Variants in FKBP5 observed in about 807,000 individuals in gnomAD.
FKBP5 encodes the protein FKBP prolyl isomerase 5.
In FKBP5, 23 loss-of-function variants were observed where a neutral mutation model predicts 50.5. The ratio of observed to expected loss-of-function variants is 0.46; its 90% CI spans 0.33 to 0.65. FKBP5 has a LOEUF of 0.65. Among genes scored for constraint, FKBP5 ranks in the 30% least tolerant of loss-of-function variants. The probability of loss-of-function intolerance (pLI) is 0.02; values close to 1 mark genes in which losing one functional copy is unlikely to be tolerated. For synonymous variants in FKBP5, 176 were observed against 190.6 expected (o/e 0.92, Z 0.63); for missense variants, 411 against 553.1 (o/e 0.74, Z 2.58).
chr6:35,697,228 A>G (rs80179277), intron 2 of FKBP5, among the ~76,000 whole-genome samples: 5,952 of 152,304 alleles, frequency 0.039, 129 homozygotes, highest in African/African-American at 0.067. Context: ...TGAACACACA[A>G]TGGAACACTA....
intron 1 of FKBP5, among the ~76,000 whole-genome samples, chr6:35,657,729 T>C (rs1764993790): frequency 6.6e-6 from 1 of 152,144 alleles, no homozygotes; most frequent in Admixed American, 6.6e-5. Flanking sequence ...TCCTAAGAAT[T>C]TCTCTCAAGC....
intron 9 of FKBP5, among the ~76,000 whole-genome samples, chr6:35,579,242 G>A (rs1373989141): frequency 1.3e-5 from 2 of 152,158 alleles, no homozygotes; most frequent in African/African-American, 4.8e-5. Flanking sequence ...TCTTGGGAGA[G>A]AGGATGCGAT....
intron 1 of FKBP5, among the ~76,000 whole-genome samples, chr6:35,675,609 A>T (rs553965878): frequency 6.6e-6 from 1 of 152,144 alleles, no homozygotes; most frequent in Non-Finnish European, 1.5e-5. Flanking sequence ...TCCCCAGCCT[A>T]CCACAAAACA....
In FKBP5 at chr6:35,620,521, G is replaced by A. The variant is rs138381762; in HGVS notation, c.251-247C>T. Among the ~76,000 whole-genome samples the A allele has an allele frequency of 3.7e-3, 547 of 149,746 alleles. 3 individuals carry two copies. Among genetic ancestry groups the A allele is most frequent in the South Asian group, 0.013 (63 of 4,714 alleles). On this transcript the variant is annotated intron_variant, in intron 3 of 10. Coordinates refer to ENST00000357266, the MANE Select transcript of FKBP5 (RefSeq NM_004117.4). The stretch of plus-strand genomic sequence containing the variant: ...AGGTGGGAGGACTGCTTGAGTCCAG[G>A]AATTTGACACCAGCCTGGGCAACAC...
chr6:35,661,915 A>T lies in FKBP5; in HGVS notation c.-19-19072T>A, dbSNP rs545989075. Reference sequence around the variant, plus strand: ...GTTTCCCTATCTAAAACACAAGGTTATCAGTTATCAACATCTCTTGGGATT... The same window carrying T: ...GTTTCCCTATCTAAAACACAAGGTTTTCAGTTATCAACATCTCTTGGGATT... On this transcript the variant is annotated intron_variant, in intron 1 of 10. Transcript: ENST00000357266. Among the ~76,000 whole-genome samples the T allele has an allele frequency of 1.4e-5, 2 of 143,222 alleles. 1 individual carries two copies. Among genetic ancestry groups the T allele is most frequent in the African/African-American group, 5.1e-5 (2 of 39,308 alleles). The allele number at this position is 143,222 out of a possible 152,430, so 94.0% of individuals were successfully genotyped here. A position where few individuals can be genotyped will look rare whatever the true frequency, so the allele number is the denominator to read the frequency against.
chr6:35,717,388 A>G (rs1234044682), intron 2 of FKBP5, among the ~76,000 whole-genome samples: 1 of 152,104 alleles, frequency 6.6e-6, no homozygotes, highest in Non-Finnish European at 1.5e-5. Context: ...GTGCCCATGT[A>G]TTCATGTATG....
chr6:35,598,987 A>T (rs186240783), intron 5 of FKBP5, among the ~76,000 whole-genome samples: 1,858 of 152,178 alleles, frequency 0.012, 33 homozygotes, highest in African/African-American at 0.039. Flanking sequence ...AATAAATAAA[A>T]AAATAAATAA....
In FKBP5 at chr6:35,667,019, C is replaced by CTGTG. The variant is rs35407744; in HGVS notation, c.-20+21781_-20+21784dup. ...ATTTTCACTTGTTTTGTGTGTGTGT[C>CTGTG]TGTGTGTGTGTGTGTGTGTGTGTGT... On this transcript the variant is annotated intron_variant, in intron 1 of 10. Coordinates refer to ENST00000357266, the MANE Select transcript of FKBP5 (RefSeq NM_004117.4). 7.0e-3 allele frequency among the ~76,000 whole-genome samples: 1,039 copies of CTGTG among 148,892 alleles called. 4 individuals are homozygous for CTGTG. Among genetic ancestry groups the CTGTG allele is most frequent in the African/African-American group, 8.6e-3 (347 of 40,526 alleles).
intron 2 of FKBP5, among the ~76,000 whole-genome samples, chr6:35,713,986 C>A (rs967327215): frequency 6.6e-6 from 1 of 152,052 alleles, no homozygotes; most frequent in Non-Finnish European, 1.5e-5. Flanking sequence ...CTGTCCCCAG[C>A]CCATCCACTG....
intron 1 of FKBP5, among the ~76,000 whole-genome samples, chr6:35,654,070 C>T (rs987858755): frequency 6.6e-6 from 1 of 152,104 alleles, no homozygotes; most frequent in Non-Finnish European, 1.5e-5. Context: ...CTCATGTATA[C>T]ATGTATGTGC....
intron 1 of FKBP5, among the ~76,000 whole-genome samples, chr6:35,643,833 G>A (rs763503151): frequency 4.3e-4 from 66 of 152,132 alleles, no homozygotes; most frequent in Non-Finnish European, 8.1e-4. Context: ...ATAAGACTAT[G>A]CGCCTGTTAG....
At chr6:35,581,741 G>A in intron 8 of FKBP5, 2 of 985,466 alleles carry the variant, frequency 2.0e-6, no homozygotes, top group Non-Finnish European at 2.4e-6. Flanking sequence ...CCTTTGAGGA[G>A]GTGATAAGCT....
In FKBP5 at chr6:35,580,209, T is replaced by G. The variant is rs747990395; in HGVS notation, c.853A>C (p.Met285Leu). 5 of 1,611,820 alleles carry G rather than the reference T, an allele frequency of 3.1e-6. No individual in the cohort carries two copies. The highest frequency in any genetic ancestry group is 4.2e-6 in the Non-Finnish European group (5 of 1,178,648). ...GTVYFKGGKYMQAVIQYGKIV... is the reference protein window; with the variant it reads ...GTVYFKGGKYLQAVIQYGKIV... ...TTCCCATACTGAATCACCGCCTGCA[T>G]GTATTTGCCTCCCTAGGATAAAAAA... Residue 285 changes from methionine (M) to leucine (L), a missense_variant, in exon 9 of 11, where the codon ATG (methionine) becomes CTG (leucine). Met to Leu is a conservative substitution (Grantham distance 15, BLOSUM62 2). Around this residue, in one of 3 missense-constraint regions of FKBP5, gnomAD observed 267 missense variants for 405.9 expected, o/e 0.66. Coordinates refer to ENST00000357266, the MANE Select transcript of FKBP5 (RefSeq NM_004117.4).
intron 1 of FKBP5, 61 bp from the exon 2 acceptor site, chr6:35,642,904 T>C (rs2143404): frequency 0.85 from 1,020,338 of 1,195,682 alleles, 437,250 homozygotes; most frequent in African/African-American, 0.97. Flanking sequence ...ATCTTGAATG[T>C]CCCTGGGAAC....
At chr6:35,633,545 A>G (rs77633197) in intron 3 of FKBP5, among the ~76,000 whole-genome samples, 1 of 148,236 alleles carries the variant, frequency 6.7e-6, no homozygotes, top group African/African-American at 2.4e-5. Context: ...TCCATCTCAA[A>G]AAAAAAAAAA....
chr6:35,693,321 C>T (rs1476010779), upstream of FKBP5, among the ~76,000 whole-genome samples: 2 of 151,486 alleles, frequency 1.3e-5, no homozygotes, highest in Non-Finnish European at 2.9e-5. Context: ...CGCCACCACG[C>T]CCAGCTAATT....
chr6:35,670,559 C>G (rs1330764390), intron 1 of FKBP5, among the ~76,000 whole-genome samples: 1 of 151,562 alleles, frequency 6.6e-6, no homozygotes, highest in African/African-American at 2.4e-5. Context: ...GAAACCCCGA[C>G]TCTACTAAAA....
chr6:35,581,122 C>T (rs1251311612), intron 8 of FKBP5: 32 of 960,810 alleles, frequency 3.3e-5, no homozygotes, highest in Non-Finnish European at 4.0e-5. Flanking sequence ...CCAGATTTGG[C>T]CAGCAAACTG....
At chr6:35,672,742 G>A (rs1296782702) in intron 1 of FKBP5, among the ~76,000 whole-genome samples, 1 of 146,326 alleles carries the variant, frequency 6.8e-6, no homozygotes, top group Admixed American at 7.0e-5. Flanking sequence ...TGGCTAACAC[G>A]GTGAAAACTT....
Sources: gnomAD v4.1 joint callset for allele counts (sites outside exome capture counted in the v4.1 genomes callset) on GRCh38, gnomAD v4.1.1 for gene constraint, gnomAD v4.1.1 regional missense constraint, MANE v1.5 for transcripts, NCBI Gene and HGNC (gene_info 2026-07-23, HGNC 2026-07-21) for gene names.